The following NRXN3 variants were observed in gnomAD, a reference collection of about 807,000 sequenced individuals.
The protein encoded by NRXN3 is neurexin 3, also known as neurexin III.
NRXN3 carries 32 observed loss-of-function variants against 137.6 expected under a neutral mutation model. That is an observed-to-expected ratio of 0.23 (90% CI 0.18 to 0.31). The LOEUF (loss-of-function observed/expected upper bound fraction) is 0.31. Among genes scored for constraint, NRXN3 ranks in the 10% least tolerant of loss-of-function variants. NRXN3 has a pLI of 1.00. For missense variants in NRXN3, 1,574 were observed against 2,062.5 expected, an observed-to-expected ratio of 0.76 and a Z score of 4.59; for synonymous variants, 798 against 784.5, an observed-to-expected ratio of 1.02 and a Z score of -0.29.
chr14:79,346,245 C>T (rs1316212698), intron 15 of NRXN3, among the ~76,000 whole-genome samples: 1 of 152,126 alleles, frequency 6.6e-6, no homozygotes, highest in Admixed American at 6.5e-5. Flanking sequence ...CATAGTGAAA[C>T]CCCATCTCTG....
intron 4 of NRXN3, among the ~76,000 whole-genome samples, chr14:78,621,044 C>T (rs1391832186): frequency 3.9e-5 from 6 of 152,208 alleles, no homozygotes; most frequent in Admixed American, 3.9e-4. Flanking sequence ...GTGGTATGAG[C>T]TGTTGGGGTA....
chr14:79,826,533 T>A (rs2099302360), intron 20 of NRXN3, among the ~76,000 whole-genome samples: 1 of 152,172 alleles, frequency 6.6e-6, no homozygotes, highest in Non-Finnish European at 1.5e-5. Context: ...TGAAACTCAG[T>A]TGTAGTCATC....
Position 79,349,068 on chromosome 14 carries a change from C to G in NRXN3, c.3263-118153C>G, listed in dbSNP as rs1441056229. ...TCATTACCTAAATTAGCATGGATTG[C>G]CATGAAAGTGAAAGGAGTAAATTGC... On this transcript the variant is annotated intron_variant, in intron 15 of 20. Coordinates refer to ENST00000335750, the MANE Select transcript of NRXN3 (RefSeq NM_001330195.2). Among the ~76,000 whole-genome samples, 6 of 152,050 alleles carry G rather than the reference C, an allele frequency of 3.9e-5. No homozygotes were observed. In the East Asian group the frequency reaches 1.2e-3, roughly 29 times the overall value.
At chr14:78,767,365 A>G (rs2098712345) in intron 8 of NRXN3, among the ~76,000 whole-genome samples, 1 of 152,240 alleles carries the variant, frequency 6.6e-6, no homozygotes, top group African/African-American at 2.4e-5. Context: ...AATCACAGGA[A>G]TAACATCCTA....
chr14:79,239,648 T>A (rs1236083850), intron 15 of NRXN3, among the ~76,000 whole-genome samples: 1 of 152,190 alleles, frequency 6.6e-6, no homozygotes, highest in African/African-American at 2.4e-5. Flanking sequence ...ATCCCACTAC[T>A]GGGTATATAT....
chr14:78,984,424 T>G (rs760086302), intron 14 of NRXN3, among the ~76,000 whole-genome samples: 2 of 152,176 alleles, frequency 1.3e-5, no homozygotes, highest in African/African-American at 2.4e-5. Flanking sequence ...GAAGACATGA[T>G]GAAGAGTAAA....
At chr14:79,080,344 T>C (rs1181358401) in intron 15 of NRXN3, among the ~76,000 whole-genome samples, 1 of 152,172 alleles carries the variant, frequency 6.6e-6, no homozygotes, top group African/African-American at 2.4e-5. Context: ...ATTTGGAAAA[T>C]GGTGTTAAAA....
At chr14:79,560,019 A>G (rs749002100) in intron 16 of NRXN3, among the ~76,000 whole-genome samples, 3 of 152,128 alleles carry the variant, frequency 2.0e-5, no homozygotes, top group Non-Finnish European at 4.4e-5. Context: ...TTCAAAATAT[A>G]AAAATGATTT....
At chr14:79,496,970 A>G (rs1482782364) in intron 16 of NRXN3, among the ~76,000 whole-genome samples, 1 of 152,158 alleles carries the variant, frequency 6.6e-6, no homozygotes, top group Non-Finnish European at 1.5e-5. Flanking sequence ...TAATCCATTT[A>G]CTCACTCCAC....
chr14:78,827,510 A>G (rs1293410601), intron 10 of NRXN3, among the ~76,000 whole-genome samples: 1 of 152,250 alleles, frequency 6.6e-6, no homozygotes, highest in East Asian at 1.9e-4. Context: ...CAAATTCTGC[A>G]GAATATTTTG....
At chr14:79,158,023 C>A (rs1417827704) in intron 15 of NRXN3, among the ~76,000 whole-genome samples, 1 of 151,642 alleles carries the variant, frequency 6.6e-6, no homozygotes, top group Non-Finnish European at 1.5e-5. Context: ...AGAATCATGT[C>A]CTCATTTGTA....
At chr14:78,290,043 T>C (rs2075645812) in intron 3 of NRXN3, among the ~76,000 whole-genome samples, 1 of 152,224 alleles carries the variant, frequency 6.6e-6, no homozygotes, top group Non-Finnish European at 1.5e-5. Context: ...GGGTCCCTCA[T>C]GGTCCTAGGT....
chr14:78,346,491 C>T (rs1414400503), intron 4 of NRXN3, among the ~76,000 whole-genome samples: 1 of 152,122 alleles, frequency 6.6e-6, no homozygotes, highest in Non-Finnish European at 1.5e-5. Context: ...TGCAGTGGCC[C>T]TGTGGAATAG....
At chr14:79,789,296 A>G (rs551109310) in intron 19 of NRXN3, among the ~76,000 whole-genome samples, 1 of 152,236 alleles carries the variant, frequency 6.6e-6, no homozygotes, top group Non-Finnish European at 1.5e-5. Context: ...AAACTGGAGT[A>G]ACATTTTAGA....
At chr14:78,412,795 G>C (rs1258568334) in intron 4 of NRXN3, among the ~76,000 whole-genome samples, 1 of 152,098 alleles carries the variant, frequency 6.6e-6, no homozygotes, top group African/African-American at 2.4e-5. Flanking sequence ...TGCATCCCCT[G>C]TAGTTTCATT....
At chr14:78,249,849 A>G (rs890920673) in intron 2 of NRXN3, among the ~76,000 whole-genome samples, 1 of 152,096 alleles carries the variant, frequency 6.6e-6, no homozygotes, top group Non-Finnish European at 1.5e-5. Context: ...CCCGTTTGGC[A>G]TAGTGGATAA....
In NRXN3 at chr14:79,369,810, A is replaced by G. The variant is rs1486516173; in HGVS notation, c.3263-97411A>G. ...CAGACAAAAGCACTTCAGCAGGAAC[A>G]TGACTAATCTTGAAGACATAGAGCA... On this transcript the variant is annotated intron_variant, in intron 15 of 20. Coordinates refer to ENST00000335750, the MANE Select transcript of NRXN3 (RefSeq NM_001330195.2). Among the ~76,000 whole-genome samples, 9 of 152,334 alleles carry G rather than the reference A, an allele frequency of 5.9e-5. No homozygotes were observed. In the East Asian group the frequency reaches 1.3e-3, roughly 23 times the overall value.
chr14:79,259,725 CA>C (rs2077320957), intron 15 of NRXN3, among the ~76,000 whole-genome samples: 1 of 149,904 alleles, frequency 6.7e-6, no homozygotes, highest in Non-Finnish European at 1.5e-5. Flanking sequence ...CACACACACA[CA>C]CACACACACA....
chr14:79,382,286 A>T (rs1599481179), intron 15 of NRXN3, among the ~76,000 whole-genome samples: 1 of 152,198 alleles, frequency 6.6e-6, no homozygotes, highest in East Asian at 1.9e-4. Flanking sequence ...TAAAAAAGGC[A>T]GATTTATTGG....
Sources: gnomAD v4.1 joint callset for allele counts (sites outside exome capture counted in the v4.1 genomes callset) on GRCh38, gnomAD v4.1.1 for gene constraint, MANE v1.5 for transcripts, NCBI Gene and HGNC (gene_info 2026-07-23, HGNC 2026-07-21) for gene names.